Variants in PHF2 observed in about 807,000 individuals in gnomAD.
PHF2 encodes the protein PHD finger protein 2, also known as lysine-specific demethylase PHF2.
In PHF2, 27 loss-of-function variants were observed where a neutral mutation model predicts 120.5. The ratio of observed to expected loss-of-function variants is 0.22; its 90% CI spans 0.17 to 0.31. The LOEUF (loss-of-function observed/expected upper bound fraction) is 0.31, where lower values mean the gene tolerates loss of function less well. Ranked by LOEUF, PHF2 falls within the 10% of genes least tolerant of loss-of-function variation. The pLI is 1.00. For synonymous variants in PHF2, 568 were observed against 592.5 expected, an observed-to-expected ratio of 0.96 and a Z score of 0.60; for missense variants, 1,024 against 1,434.8, an observed-to-expected ratio of 0.71 and a Z score of 4.63.
In PHF2 at chr9:93,662,849, A is replaced by G. The variant is rs534523705; in HGVS notation, c.1699-58A>G. 1.0e-5 allele frequency: 16 copies of G among 1,602,026 alleles called. No individual in the cohort carries two copies. The East Asian group carries it at 3.4e-4, about 34-fold the overall frequency. The stretch of plus-strand genomic sequence containing the variant: ...AAGAAGACAGGGAATCTGTGGCTCA[A>G]GAGAGTTCCACCAGCCCTCTATGTC... On this transcript the variant is annotated intron_variant, in intron 12 of 21. Coordinates refer to ENST00000359246, the MANE Select transcript of PHF2 (RefSeq NM_005392.4).
rs543714431 is a variant in PHF2, at chr9:93,628,583, A to AT, written c.99-1380dup. Among the ~76,000 whole-genome samples, 26 of 151,914 alleles carry AT rather than the reference A, an allele frequency of 1.7e-4. No homozygotes were observed. In the East Asian group the frequency reaches 2.5e-3, roughly 15 times the overall value. On this transcript the variant is annotated intron_variant, in intron 1 of 21. Transcript: ENST00000359246. ...TAAGGTCAACAGTGTCTTTATGTTCATTTTTTTGTTTGCCCTGAGTAAAAA... is the reference window on the plus strand; with the variant it reads ...TAAGGTCAACAGTGTCTTTATGTTCATTTTTTTTGTTTGCCCTGAGTAAAAA...
chr9:93,620,823 T>C (rs760890638), intron 1 of PHF2, among the ~76,000 whole-genome samples: 2 of 152,242 alleles, frequency 1.3e-5, no homozygotes, highest in Non-Finnish European at 2.9e-5. Context: ...TTGCCAATTT[T>C]CTGAATAATT....
At chr9:93,622,832 A>C (rs377714368) in intron 1 of PHF2, among the ~76,000 whole-genome samples, 11 of 152,136 alleles carry the variant, frequency 7.2e-5, no homozygotes, top group African/African-American at 2.2e-4. Flanking sequence ...TGGCCCTGCT[A>C]ACTGAGCCCC....
At chr9:93,581,764 G>C (rs1371894240) in intron 1 of PHF2, among the ~76,000 whole-genome samples, 1 of 152,180 alleles carries the variant, frequency 6.6e-6, no homozygotes, top group Non-Finnish European at 1.5e-5. Flanking sequence ...CCTAAAATCT[G>C]GGCAGAGATT....
In PHF2 at chr9:93,645,828, C is replaced by G. The variant is rs139114672; in HGVS notation, c.460+39C>G. The stretch of plus-strand genomic sequence containing the variant: ...CCTTCACAGTGCTCTGGGGCTGGAG[C>G]TGGGAGTGCTGGGACACCCACCACT... On this transcript the variant is annotated intron_variant, in intron 4 of 21. Coordinates refer to ENST00000359246, the MANE Select transcript of PHF2 (RefSeq NM_005392.4). 220 of 1,527,262 alleles carry G rather than the reference C, an allele frequency of 1.4e-4. No individual in the cohort carries two copies. The East Asian group carries it at 5.1e-3, about 35-fold the overall frequency. 94.6% of individuals were successfully genotyped at this position (1,527,262 alleles called of 1,614,324 possible). A position where few individuals can be genotyped will look rare whatever the true frequency, so the allele number is the denominator to read the frequency against.
intron 1 of PHF2, among the ~76,000 whole-genome samples, chr9:93,622,446 G>C (rs1222040664): frequency 6.6e-6 from 1 of 152,204 alleles, no homozygotes; most frequent in African/African-American, 2.4e-5. Context: ...TGGGGAGACT[G>C]TCCTGGATGA....
chr9:93,655,008 A>G lies in PHF2; in HGVS notation c.952+433A>G, dbSNP rs77017842. On this transcript the variant is annotated intron_variant, in intron 7 of 21. Coordinates refer to ENST00000359246, the MANE Select transcript of PHF2 (RefSeq NM_005392.4). ...GGAGGAGGGCGCTAGCTGCTAATTA[A>G]GACAATAGTAGGGGACATTTTGAGT... Among the ~76,000 whole-genome samples the G allele has an allele frequency of 8.2e-3, 1,254 of 152,306 alleles. 20 individuals are homozygous for G. The highest frequency in any genetic ancestry group is 0.028 in the African/African-American group (1,170 of 41,558).
chr9:93,675,822 A>C lies in PHF2; in HGVS notation c.2832+33A>C, dbSNP rs370261076. The stretch of plus-strand genomic sequence containing the variant: ...GGGGCGAGAAGGACACACGGCAGCC[A>C]GGTCCCTGCTACCCCCACCTGGTGG... On this transcript the variant is annotated intron_variant, in intron 20 of 21. Transcript: ENST00000359246. 1.8e-5 allele frequency: 28 copies of C among 1,536,248 alleles called. No homozygotes were observed. In the African/African-American group the frequency reaches 3.5e-4, roughly 19 times the overall value.
At position 93,653,258 on chromosome 9, in the gene PHF2, C is replaced by T. The variant is rs745638644; in HGVS notation, c.682C>T (p.Leu228=). 1.2e-6 allele frequency: 2 copies of T among 1,614,184 alleles called. No homozygotes were observed. The highest frequency in any genetic ancestry group is 1.7e-5 in the Admixed American group (1 of 60,034). ...AAACTACTGGCCAGATGATGCATTG[C>T]TGGCCAAGCCCAAAGTGACCAAGTA... The part of the protein sequence containing the change: ...VENYWPDDAL[L]AKPKVTKYCL... Residue 228 remains leucine (L), a synonymous_variant, in exon 6 of 22, where the codon CTG becomes TTG. Coordinates refer to ENST00000359246, the MANE Select transcript of PHF2 (RefSeq NM_005392.4).
At chr9:93,589,570 T>C (rs1863130103) in intron 1 of PHF2, among the ~76,000 whole-genome samples, 1 of 152,232 alleles carries the variant, frequency 6.6e-6, no homozygotes, top group African/African-American at 2.4e-5. Flanking sequence ...TATTGTGTCT[T>C]TATCACTTGG....
intron 4 of PHF2, among the ~76,000 whole-genome samples, chr9:93,648,740 A>G (rs1325731410): frequency 6.6e-6 from 1 of 152,166 alleles, no homozygotes; most frequent in East Asian, 1.9e-4. Flanking sequence ...ATTACTTGGA[A>G]CATAACACTA....
intron 1 of PHF2, among the ~76,000 whole-genome samples, chr9:93,607,749 T>C (rs1031953574): frequency 1.4e-4 from 21 of 152,244 alleles, no homozygotes; most frequent in African/African-American, 4.8e-4. Context: ...TTATTTTGAA[T>C]GTAAATGATA....
chr9:93,654,486 C>G lies in PHF2; in HGVS notation c.863C>G (p.Ser288Cys), dbSNP rs779187383. 3.1e-6 allele frequency: 5 copies of G among 1,614,096 alleles called. No homozygotes were observed. The Admixed American group carries it at 5.0e-5, about 16-fold the overall frequency. The change falls in exon 7 of 22, where the codon TCT becomes TGT. Residue 288 changes from serine (S) to cysteine (C), a missense_variant. By Grantham distance (112) the Ser-to-Cys change is moderately radical. This residue lies in a region of PHF2 where 347 missense variants were observed against 577.4 expected (regional missense o/e 0.60). Transcript: ENST00000359246. ...CTGTATGAGCGCTGGCGGTCTGCCT[C>G]TAACCACAGCGAGATGTTCTTTGCT... ...ISLYERWRSA[S>C]NHSEMFFADQ...
At chr9:93,577,788 T>A (rs1304485010) in intron 1 of PHF2, among the ~76,000 whole-genome samples, 1 of 152,174 alleles carries the variant, frequency 6.6e-6, no homozygotes, top group African/African-American at 2.4e-5. Flanking sequence ...CCTGGCCCCA[T>A]GCCTAGGGCA....
chr9:93,666,096 G>A, intron 16 of PHF2, 36 bp downstream of exon 16: 2 of 1,595,862 alleles, frequency 1.3e-6, no homozygotes, highest in Non-Finnish European at 8.6e-7. Context: ...AGTCTCGGGG[G>A]GCATCTCTGG....
rs1385404642 is a variant in PHF2 at position 93,645,639 on chromosome 9, G to A, written c.310G>A (p.Val104Met). ...TGTGCTTCCCTGCAGTGCTGAAGAC[G>A]TGGTGGCCCGTGTGCCAGGAAGTCA... is the stretch of plus-strand genomic sequence containing the variant. The part of the protein sequence containing the change: ...RSRTFPSAED[V>M]VARVPGSQLT... The change falls in exon 4 of 22, where the codon GTG becomes ATG. Residue 104 changes from valine (V) to methionine (M), a missense_variant. Transcript: ENST00000359246. The A allele has an allele frequency of 3.8e-6, 6 of 1,599,888 alleles. No individual in the cohort carries two copies. Among genetic ancestry groups the A allele is most frequent in the Non-Finnish European group, 5.1e-6 (6 of 1,171,592 alleles).
intron 1 of PHF2, among the ~76,000 whole-genome samples, chr9:93,604,716 G>A (rs991304137): frequency 2.0e-5 from 3 of 151,980 alleles, no homozygotes; most frequent in Non-Finnish European, 2.9e-5. Context: ...CGCCTGCCTC[G>A]GCCTCCCAAA....
intron 18 of PHF2, 106 bp downstream of exon 18, chr9:93,673,968 C>A: frequency 7.8e-7 from 1 of 1,287,662 alleles, no homozygotes; most frequent in Non-Finnish European, 1.0e-6. Flanking sequence ...TTACAGCAGG[C>A]CTCAGCTCAG....
chr9:93,627,227 A>G (rs776383633), intron 1 of PHF2, among the ~76,000 whole-genome samples: 35 of 152,132 alleles, frequency 2.3e-4, no homozygotes, highest in Non-Finnish European at 4.4e-5. Context: ...ATTCCTACAT[A>G]TTAATATTTT....
Sources: allele counts gnomAD v4.1 joint callset (sites outside exome capture counted in the v4.1 genomes callset), GRCh38; gene constraint gnomAD v4.1.1; regional missense constraint gnomAD v4.1.1; transcripts MANE v1.5; gene names NCBI Gene and HGNC (gene_info 2026-07-23, HGNC 2026-07-21).